MAMDC4: variants seen among roughly 807,000 people sequenced by gnomAD.
MAMDC4 encodes the protein apical endosomal glycoprotein.
In MAMDC4, 168 loss-of-function variants were observed where a neutral mutation model predicts 153.3. The observed-to-expected ratio is 1.10, with a 90% CI of 0.97 to 1.25. The LOEUF is 1.25. Ranked by LOEUF, MAMDC4 falls within the 50% of genes most tolerant of loss-of-function variation. The probability of loss-of-function intolerance (pLI) is 0.00; values close to 1 mark genes in which losing one functional copy is unlikely to be tolerated. For synonymous variants in MAMDC4, 744 were observed against 651.5 expected, an observed-to-expected ratio of 1.14 and a Z score of -2.16; for missense variants, 1,701 against 1,542.8, an observed-to-expected ratio of 1.10 and a Z score of -1.72.
Position 136,857,202 on chromosome 9 carries a change from G to GAC in MAMDC4, c.2015_2016dup (p.Leu673ThrfsTer125), listed in dbSNP as rs1564387768. ...TAGCCATGAGACGGGAAGGGGAGGA[G>GAC]ACACACCTGTGGTCGCGGTCAGGCA... On this transcript the variant is annotated frameshift_variant, in exon 17 of 27. Transcript: ENST00000317446. LOFTEE classifies it high-confidence loss of function. 5.6e-6 allele frequency: 9 copies of GAC among 1,612,224 alleles called. No individual in the cohort carries two copies. Among genetic ancestry groups the GAC allele is most frequent in the African/African-American group, 1.3e-5 (1 of 75,050 alleles).
intron 6 of MAMDC4, 27 bp downstream of exon 6, chr9:136,854,103 C>A (rs1283228641): frequency 6.2e-7 from 1 of 1,611,624 alleles, no homozygotes; most frequent in South Asian, 1.1e-5. Flanking sequence ...TCCTGTTCCA[C>A]CCCCGGGAGG....
rs962885674 is a variant in MAMDC4, at chr9:136,855,166, G to A, written c.1197+56G>A. 7 of 1,569,426 alleles carry A rather than the reference G, an allele frequency of 4.5e-6. No individual in the cohort carries two copies. The South Asian group carries it at 4.6e-5, about 10-fold the overall frequency. On this transcript the variant is annotated intron_variant, in intron 10 of 26. Coordinates refer to ENST00000317446, the MANE Select transcript of MAMDC4 (RefSeq NM_206920.3). ...GAGCCGCACTGTGGGCAGGGGAGGGGAACCCACAAGGTACCCACTGCGGGT... is the reference window on the plus strand; with the variant it reads ...GAGCCGCACTGTGGGCAGGGGAGGGAAACCCACAAGGTACCCACTGCGGGT...
At chr9:136,853,016 C>T (rs988354547) in intron 1 of MAMDC4, 86 bp from the exon 2 acceptor site, 37 of 1,126,628 alleles carry the variant, frequency 3.3e-5, no homozygotes, top group Admixed American at 1.7e-4. Context: ...CAAAAGATGT[C>T]CAGTGCTAAA....
chr9:136,853,276 C>T lies in MAMDC4; in HGVS notation c.155-9C>T, dbSNP rs773415560. 6.9e-6 allele frequency: 11 copies of T among 1,604,996 alleles called. No individual in the cohort carries two copies. Among genetic ancestry groups the T allele is most frequent in the Non-Finnish European group, 9.4e-6 (11 of 1,174,166 alleles). On this transcript the variant is annotated splice_polypyrimidine_tract_variant and intron_variant, in intron 2 of 26. Coordinates refer to ENST00000317446, the MANE Select transcript of MAMDC4 (RefSeq NM_206920.3). The stretch of plus-strand genomic sequence containing the variant: ...GGTCTGGCACACACCTGACCACCCA[C>T]TCTCCCAGGTTACCACGGGGCCTCG...
In MAMDC4 at chr9:136,854,969, G is replaced by C; in HGVS notation, c.1056G>C (p.Glu352Asp). The C allele has an allele frequency of 6.2e-7, 1 of 1,608,108 alleles. No individual in the cohort carries two copies. The highest frequency in any genetic ancestry group is 1.7e-5 in the Admixed American group (1 of 59,264). The change falls in exon 10 of 27, where the codon GAG becomes GAC. Residue 352 changes from glutamate to aspartate, a missense_variant. Transcript: ENST00000317446. ...TCTATCAGTACCTGAGTGGGTCTGAGGCTGGCTGCCTCCAGCTGTTCCTGC... is the reference window on the plus strand; with the variant it reads ...TCTATCAGTACCTGAGTGGGTCTGACGCTGGCTGCCTCCAGCTGTTCCTGC... ...LVFYQYLSGS[E>D]AGCLQLFLQT...
At chr9:136,856,665 G>A (rs754527223) in intron 14 of MAMDC4, 45 bp from the exon 15 acceptor site, 1 of 1,581,248 alleles carries the variant, frequency 6.3e-7, no homozygotes, top group Non-Finnish European at 8.7e-7. Flanking sequence ...GGGCTCTGGA[G>A]GGGGAGGGGA....
intron 14 of MAMDC4, chr9:136,856,393 A>G (rs1222648155): frequency 1.2e-6 from 1 of 813,708 alleles, no homozygotes; most frequent in East Asian, 2.4e-5. Context: ...TGAGGAGGGC[A>G]GCCCAGAGTG....
chr9:136,854,723 A>G (rs1208668749), intron 8 of MAMDC4, 39 bp from the exon 9 acceptor site: 2 of 1,612,224 alleles, frequency 1.2e-6, no homozygotes, highest in Non-Finnish European at 8.5e-7. Flanking sequence ...ACGCAGCCAC[A>G]GCCCAGTGGC....
At position 136,856,874 on chromosome 9, in the gene MAMDC4, C is replaced by T. The variant is rs763702881; in HGVS notation, c.1838-33C>T. 4 of 1,612,102 alleles carry T rather than the reference C, an allele frequency of 2.5e-6. No homozygotes were observed. In the African/African-American group the frequency reaches 4.0e-5, roughly 16 times the overall value. On this transcript the variant is annotated intron_variant, in intron 15 of 26. Coordinates refer to ENST00000317446, the MANE Select transcript of MAMDC4 (RefSeq NM_206920.3). ...GGGTGGCTTTCAGACGAGAGTGGGG[C>T]ATCTCTGCAGCACAGCCCCATGCCC...
rs1453258449 is a variant in MAMDC4, at chr9:136,853,166, C to T, written c.111C>T (p.Asn37=). 2.5e-6 allele frequency: 4 copies of T among 1,612,708 alleles called. No individual in the cohort carries two copies. The highest frequency in any genetic ancestry group is 3.3e-5 in the Admixed American group (2 of 60,000). ...HCRSPGQAVC[N]FVCDCRDCSD... is the part of the protein sequence containing the mutation. ...GGAGCCCTGGCCAGGCCGTGTGCAACTTCGTGTGTGACTGCAGGGACTGCT... is the reference window on the plus strand; with the variant it reads ...GGAGCCCTGGCCAGGCCGTGTGCAATTTCGTGTGTGACTGCAGGGACTGCT... Residue 37 remains asparagine (N), a synonymous_variant, in exon 2 of 27, where the codon AAC becomes AAT. Coordinates refer to ENST00000317446, the MANE Select transcript of MAMDC4 (RefSeq NM_206920.3).
rs1181225015 is a variant in MAMDC4 at position 136,860,682 on chromosome 9, C to T, written c.*79C>T. On this transcript the variant is annotated 3_prime_UTR_variant, in exon 27 of 27. Transcript: ENST00000317446. ...CCCTAGCCAGGGACCGGACACCTGCCCCGCCCAGGCTGGGACAGGCTGCAG... is the reference window on the plus strand; with the variant it reads ...CCCTAGCCAGGGACCGGACACCTGCTCCGCCCAGGCTGGGACAGGCTGCAG... 1.1e-5 allele frequency: 16 copies of T among 1,523,782 alleles called. No homozygotes were observed. The Admixed American group carries it at 1.9e-4, about 18-fold the overall frequency. 94.4% of individuals were successfully genotyped at this position (1,523,782 alleles called of 1,614,324 possible).
Position 136,853,617 on chromosome 9 carries a change from GAGAGGCAGCCTCCTCTTGCA to G in MAMDC4, c.404_423del (p.Glu135AlafsTer14), listed in dbSNP as rs1848960142. The G allele has an allele frequency of 1.2e-6, 2 of 1,612,384 alleles. No individual in the cohort carries two copies. Among genetic ancestry groups the G allele is most frequent in the Non-Finnish European group, 1.7e-6 (2 of 1,179,826 alleles). On this transcript the variant is annotated frameshift_variant, in exon 4 of 27. Transcript: ENST00000317446. LOFTEE classifies it high-confidence loss of function. The stretch of plus-strand genomic sequence containing the variant: ...GCAGCCCTGCGCTCGCCAACCCTGC[GAGAGGCAGCCTCCTCTTGCA>G]AGCTGAGGCTCTGGTACCACGCGGC...
intron 14 of MAMDC4, 170 bp from the exon 15 acceptor site, chr9:136,856,540 A>C: frequency 1.3e-6 from 1 of 767,682 alleles, no homozygotes; most frequent in South Asian, 1.4e-5. Context: ...ACCCTGAGGG[A>C]CTGTAGCCCC....
rs202125253 is a variant in MAMDC4 at position 136,857,376 on chromosome 9, G to A, written c.2116G>A (p.Glu706Lys). Residue 706 changes from glutamate (E) to lysine (K), a missense_variant, in exon 18 of 27, where the codon GAG becomes AAG. By Grantham distance (56) the Glu-to-Lys change is moderately conservative. Coordinates refer to ENST00000317446, the MANE Select transcript of MAMDC4 (RefSeq NM_206920.3). ...GSHAQYQLLF[E>K]GLRDGYHGTM... ...CACCCTCCACCCCCAGCTGCTGTTC[G>A]AGGGCCTCCGGGACGGATACCACGG... 76 of 1,608,254 alleles carry A rather than the reference G, an allele frequency of 4.7e-5. No homozygotes were observed. The highest frequency in any genetic ancestry group is 1.7e-4 in the African/African-American group (13 of 75,052).
Position 136,853,901 on chromosome 9 carries a change from C to T in MAMDC4, c.579C>T (p.Asp193=). The part of the protein sequence containing the change: ...LAVTTGRIRG[D]FRVTFSATRN... ...TGACCACAGGCCGCATCCGGGGTGA[C>T]TTCCGAGTGAGCTGGGAGGGTCTGG... The change falls in exon 5 of 27, where the codon GAC becomes GAT. Residue 193 remains aspartate (D), a synonymous_variant. Transcript: ENST00000317446. 1 of 1,612,658 alleles carries T rather than the reference C, an allele frequency of 6.2e-7. No individual in the cohort carries two copies.
chr9:136,860,315 T>C (rs1849069287), intron 26 of MAMDC4, among the ~76,000 whole-genome samples: 1 of 152,040 alleles, frequency 6.6e-6, no homozygotes, highest in South Asian at 2.1e-4. Flanking sequence ...AGGTCAGGAG[T>C]TTGAGACCAG....
rs1379415641 is a variant in MAMDC4, at chr9:136,859,093, G to A, written c.3045G>A (p.Leu1015=). The A allele has an allele frequency of 1.5e-5, 24 of 1,553,080 alleles. No homozygotes were observed. The South Asian group carries it at 1.9e-4, about 12-fold the overall frequency. ...GCGGGCATCGGCGGCACCAGTGGCT[G>A]GAGGCCCAGGTGGAGGTAGCCAGTG... ...GAGGHRRHQW[L]EAQVEVASAK... is the part of the protein sequence containing the mutation. Residue 1015 remains leucine, a synonymous_variant, in exon 24 of 27, where the codon CTG becomes CTA. Transcript: ENST00000317446.
At position 136,860,630 on chromosome 9, in the gene MAMDC4, T is replaced by G. The variant is rs747867991; in HGVS notation, c.*27T>G. On this transcript the variant is annotated 3_prime_UTR_variant, in exon 27 of 27. Coordinates refer to ENST00000317446, the MANE Select transcript of MAMDC4 (RefSeq NM_206920.3). ...CCACCCCAGACAAGGCCCCGCTTCC[T>G]CACGTGACATCCAGCACTTGGTCAG... is the stretch of plus-strand genomic sequence containing the variant. 1 of 1,612,894 alleles carries G rather than the reference T, an allele frequency of 6.2e-7. No individual in the cohort carries two copies. The highest frequency in any genetic ancestry group is 8.5e-7 in the Non-Finnish European group (1 of 1,179,618).
Position 136,855,273 on chromosome 9 carries a change from C to T in MAMDC4, c.1217C>T (p.Thr406Ile). 6.3e-7 allele frequency: 1 copy of T among 1,599,900 alleles called. No individual in the cohort carries two copies. Among genetic ancestry groups the T allele is most frequent in the Non-Finnish European group, 8.5e-7 (1 of 1,173,080 alleles). Residue 406 changes from threonine (T) to isoleucine (I), a missense_variant, in exon 11 of 27, where the codon ACA becomes ATA. Coordinates refer to ENST00000317446, the MANE Select transcript of MAMDC4 (RefSeq NM_206920.3). ...YPFQILLAGQ[T>I]GPGGVVGLDD... ...CCTCAGATCCTCCTGGCCGGGCAGACAGGCCCGGGGGGCGTCGTGGGTCTG... is the reference window on the plus strand; with the variant it reads ...CCTCAGATCCTCCTGGCCGGGCAGATAGGCCCGGGGGGCGTCGTGGGTCTG...
Sources: allele counts gnomAD v4.1 joint callset (sites outside exome capture counted in the v4.1 genomes callset), GRCh38; gene constraint gnomAD v4.1.1; transcripts MANE v1.5; gene names NCBI Gene and HGNC (gene_info 2026-07-23, HGNC 2026-07-21).